Variants in GLMN observed in about 807,000 individuals in gnomAD.
GLMN encodes the protein glomulin.
Under a neutral mutation model 87.8 loss-of-function variants are expected in GLMN, and 75 were observed. The observed-to-expected ratio is 0.85, with a 90% CI of 0.71 to 1.04. The LOEUF (loss-of-function observed/expected upper bound fraction) is 1.04. Ranked by LOEUF, GLMN falls within the 50% of genes least tolerant of loss-of-function variation. The probability of loss-of-function intolerance (pLI) is 0.00; values close to 1 mark genes in which losing one functional copy is unlikely to be tolerated. For synonymous variants in GLMN, 206 were observed against 221.6 expected, an observed-to-expected ratio of 0.93 and a Z score of 0.63; for missense variants, 588 against 658.8, an observed-to-expected ratio of 0.89 and a Z score of 1.18.
At chr1:92,369,715 G>T in the GLMN span, among the ~76,000 whole-genome samples, 1 of 152,042 alleles carries the variant, frequency 6.6e-6, no homozygotes, top group South Asian at 2.1e-4. Flanking sequence ...AATTAAACAG[G>T]TAAGTAATTA....
chr1:92,364,366 C>CA, the GLMN span, among the ~76,000 whole-genome samples: 2 of 152,042 alleles, frequency 1.3e-5, no homozygotes, highest in East Asian at 3.9e-4. Flanking sequence ...TTCAAAAAAT[C>CA]AAGACAAATA....
chr1:92,335,911 AAAC>A, the GLMN span, among the ~76,000 whole-genome samples: 1 of 152,314 alleles, frequency 6.6e-6, no homozygotes, highest in East Asian at 1.9e-4. Flanking sequence ...AAACACATTT[AAAC>A]TGTTAATATA....
chr1:92,329,022 C>CT, the GLMN span, among the ~76,000 whole-genome samples: 1 of 152,334 alleles, frequency 6.6e-6, no homozygotes, highest in Admixed American at 6.5e-5. Flanking sequence ...ATACCAGCAC[C>CT]TGCTCCAGTG....
At chr1:92,333,393 T>G in the GLMN span, 23 of 1,611,788 alleles carry the variant, frequency 1.4e-5, no homozygotes, top group African/African-American at 2.7e-4. Flanking sequence ...TGATTCAGCA[T>G]GATTCCACCT....
the GLMN span, among the ~76,000 whole-genome samples, chr1:92,364,015 A>AG: frequency 1.7e-4 from 26 of 152,158 alleles, 1 homozygote; most frequent in South Asian, 5.4e-3. Context: ...TGCATGGGGG[A>AG]GGGGGTCAGT....
chr1:92,273,032 GACAAAAACAGCTAAAGCAGAATGAATA>G (rs1408693301), intron 7 of GLMN, among the ~76,000 whole-genome samples: 1 of 152,178 alleles, frequency 6.6e-6, no homozygotes, highest in Non-Finnish European at 1.5e-5. Flanking sequence ...GGGAATGAAT[GACAAAAACAGCTAAAGCAGAATGAATA>G]ACTTCCACAC....
the GLMN span, among the ~76,000 whole-genome samples, chr1:92,334,288 G>C: frequency 5.0e-4 from 76 of 152,102 alleles, no homozygotes; most frequent in Non-Finnish European, 9.0e-4. Context: ...GAAAGCTGTT[G>C]GGTTTTTTTC....
At chr1:92,367,707 G>C in the GLMN span, among the ~76,000 whole-genome samples, 1 of 152,094 alleles carries the variant, frequency 6.6e-6, no homozygotes, top group African/African-American at 2.4e-5. Flanking sequence ...TTCACTTCCT[G>C]TCCCTTCCTC....
Position 92,265,552 on chromosome 1 carries a change from A to G in GLMN, c.1214+867T>C, listed in dbSNP as rs563263279. ...ACACTTTGGGAGGCTGAGGTGGGTG[A>G]ATCGCTTGAGCCCAGGAGTTTGAGA... On this transcript the variant is annotated intron_variant, in intron 13 of 18. Transcript: ENST00000370360. Among the ~76,000 whole-genome samples, 61 of 152,148 alleles carry G rather than the reference A, an allele frequency of 4.0e-4. No individual in the cohort carries two copies. The East Asian group carries it at 0.011, about 28-fold the overall frequency.
intron 15 of GLMN, among the ~76,000 whole-genome samples, chr1:92,263,264 T>C (rs1655238947): frequency 6.6e-6 from 1 of 151,742 alleles, no homozygotes; most frequent in East Asian, 1.9e-4. Context: ...ATATGTTCTA[T>C]ATGAAAAAAA....
At chr1:92,256,924 GAAAT>G (rs1198953113) in intron 16 of GLMN, among the ~76,000 whole-genome samples, 2 of 152,192 alleles carry the variant, frequency 1.3e-5, no homozygotes, top group Non-Finnish European at 2.9e-5. Context: ...GCAAGAGAAA[GAAAT>G]AAAGCGTATT....
chr1:92,296,114 TAA>T (rs1650020638), intron 3 of GLMN, among the ~76,000 whole-genome samples: 1 of 152,270 alleles, frequency 6.6e-6, no homozygotes, highest in African/African-American at 2.4e-5. Flanking sequence ...AATATATGAT[TAA>T]AAAGTTTTAG....
chr1:92,369,437 T>A, the GLMN span, among the ~76,000 whole-genome samples: 1 of 152,172 alleles, frequency 6.6e-6, no homozygotes, highest in African/African-American at 2.4e-5. Flanking sequence ...AGCCTCTTGT[T>A]GGGACTTCAG....
At chr1:92,269,075 C>T (rs2100910999) in intron 9 of GLMN, among the ~76,000 whole-genome samples, 1 of 152,146 alleles carries the variant, frequency 6.6e-6, no homozygotes, top group Non-Finnish European at 1.5e-5. Flanking sequence ...GGCGCCACCA[C>T]TCCTGGCTAA....
chr1:92,308,322 T>G, the GLMN span, among the ~76,000 whole-genome samples: 91 of 152,258 alleles, frequency 6.0e-4, no homozygotes, highest in Middle Eastern at 3.4e-3. Flanking sequence ...CCAGCTTCCT[T>G]GTTGGGAAAA....
At chr1:92,320,857 G>A in the GLMN span, among the ~76,000 whole-genome samples, 3 of 152,046 alleles carry the variant, frequency 2.0e-5, no homozygotes, top group Non-Finnish European at 4.4e-5. Flanking sequence ...TGTTCCTCCC[G>A]AGGAAATCTA....
At chr1:92,333,747 G>A in the GLMN span, among the ~76,000 whole-genome samples, 1 of 152,162 alleles carries the variant, frequency 6.6e-6, no homozygotes, top group Non-Finnish European at 1.5e-5. Context: ...CACCTAATCA[G>A]TGAAGTCAGG....
chr1:92,305,934 G>T, the GLMN span, among the ~76,000 whole-genome samples: 2 of 151,894 alleles, frequency 1.3e-5, no homozygotes, highest in African/African-American at 4.8e-5. Flanking sequence ...TCTATTCCTT[G>T]GTATAAACCC....
chr1:92,306,043 T>TA, the GLMN span, among the ~76,000 whole-genome samples: 2 of 152,104 alleles, frequency 1.3e-5, no homozygotes, highest in African/African-American at 2.4e-5. Context: ...TATTAGCCTT[T>TA]AAAAAAAGGA....
Sources: allele counts gnomAD v4.1 joint callset (sites outside exome capture counted in the v4.1 genomes callset), GRCh38; gene constraint gnomAD v4.1.1; transcripts MANE v1.5; gene names NCBI Gene and HGNC (gene_info 2026-07-23, HGNC 2026-07-21).